The following RAPGEF2 variants were observed in gnomAD, a reference collection of about 807,000 sequenced individuals.
RAPGEF2 encodes the protein Rap guanine nucleotide exchange factor 2, also known as PDZ domain containing guanine nucleotide exchange factor (GEF) 1.
A neutral mutation model predicts 186.7 loss-of-function variants in RAPGEF2; 54 were observed. That is an observed-to-expected ratio of 0.29 (90% confidence interval 0.23 to 0.36). The LOEUF (loss-of-function observed/expected upper bound fraction) is 0.36. Ranked by LOEUF, RAPGEF2 falls within the 10% of genes least tolerant of loss-of-function variation. RAPGEF2 has a pLI of 1.00. For missense variants in RAPGEF2, 1,532 were observed against 2,045.0 expected, an observed-to-expected ratio of 0.75 and a Z score of 4.84; for synonymous variants, 712 against 705.9, an observed-to-expected ratio of 1.01 and a Z score of -0.14.
intron 1 of RAPGEF2, among the ~76,000 whole-genome samples, chr4:159,170,350 A>G (rs1302082806): frequency 6.6e-6 from 1 of 152,108 alleles, no homozygotes; most frequent in African/African-American, 2.4e-5. Context: ...CCCTCCATAC[A>G]CTCAGGTTGC....
chr4:159,146,923 A>C (rs1472623406), intron 1 of RAPGEF2, among the ~76,000 whole-genome samples: 1 of 152,238 alleles, frequency 6.6e-6, no homozygotes, highest in East Asian at 1.9e-4. Context: ...GTTTAAAAAA[A>C]GAGTCACCAT....
intron 1 of RAPGEF2, among the ~76,000 whole-genome samples, chr4:159,182,365 T>C (rs1747093781): frequency 6.6e-6 from 1 of 150,496 alleles, no homozygotes; most frequent in Admixed American, 6.6e-5. Flanking sequence ...ACTGAAAAGC[T>C]TCCTAGTATT....
intron 3 of RAPGEF2, among the ~76,000 whole-genome samples, chr4:159,202,926 C>G (rs1749602235): frequency 6.6e-6 from 1 of 152,162 alleles, no homozygotes; most frequent in African/African-American, 2.4e-5. Context: ...TTTTGGCTGA[C>G]TGGGCCTCAC....
intron 1 of RAPGEF2, among the ~76,000 whole-genome samples, chr4:159,119,844 T>A (rs1739464916): frequency 1.3e-5 from 2 of 152,368 alleles, no homozygotes; most frequent in South Asian, 4.1e-4. Flanking sequence ...TATGATATTT[T>A]CTAAATTGGT....
intron 26 of RAPGEF2, chr4:159,351,088 G>A: frequency 6.5e-7 from 1 of 1,534,040 alleles, no homozygotes; most frequent in Non-Finnish European, 8.7e-7. Flanking sequence ...GAGATCTTTT[G>A]GCTCCGGGCA....
Position 159,350,315 on chromosome 4 carries a change from CTTGTA to C in RAPGEF2, c.3865+30_3865+34del, listed in dbSNP as rs1730994493. The C allele has an allele frequency of 2.0e-6, 3 of 1,515,608 alleles. No individual in the cohort carries two copies. The African/African-American group carries it at 4.2e-5, about 21-fold the overall frequency. 93.9% of individuals were successfully genotyped at this position (1,515,608 alleles called of 1,614,324 possible). On this transcript the variant is annotated intron_variant, in intron 26 of 29. Coordinates refer to ENST00000691494, the MANE Select transcript of RAPGEF2 (RefSeq NM_001394067.2). ...GTAGAATTAAATTACTTTTTGTTTTCTTGTATTGAAACCTATACATTTTGGCTATA... is the reference window on the plus strand; with the variant it reads ...GTAGAATTAAATTACTTTTTGTTTTCTTGAAACCTATACATTTTGGCTATA...
At chr4:159,144,233 T>C (rs1175586384) in intron 1 of RAPGEF2, among the ~76,000 whole-genome samples, 12 of 152,224 alleles carry the variant, frequency 7.9e-5, no homozygotes, top group Non-Finnish European at 4.4e-5. Context: ...CCTTCACATA[T>C]CATTCTGCAA....
chr4:159,212,945 T>C (rs1579479803), intron 4 of RAPGEF2, among the ~76,000 whole-genome samples: 1 of 152,104 alleles, frequency 6.6e-6, no homozygotes, highest in Non-Finnish European at 1.5e-5. Context: ...GAAAAAAGAG[T>C]TCTTGCAGTT....
intron 1 of RAPGEF2, among the ~76,000 whole-genome samples, chr4:159,131,758 C>T (rs1560995292): frequency 6.6e-6 from 1 of 151,436 alleles, no homozygotes; most frequent in Non-Finnish European, 1.5e-5. Context: ...CCGGCATCTC[C>T]TTGTTTGTCA....
At chr4:159,354,692 G>A (rs1731701971) in intron 28 of RAPGEF2, among the ~76,000 whole-genome samples, 1 of 152,178 alleles carries the variant, frequency 6.6e-6, no homozygotes, top group African/African-American at 2.4e-5. Flanking sequence ...TGTAAAATGA[G>A]CTTCATAATT....
chr4:159,119,378 T>C (rs1017005316), intron 1 of RAPGEF2, among the ~76,000 whole-genome samples: 3 of 152,216 alleles, frequency 2.0e-5, no homozygotes, highest in Non-Finnish European at 2.9e-5. Flanking sequence ...TAGATACTTA[T>C]TGGCTAAGGC....
At chr4:159,321,512 C>T (rs1765230911) in intron 9 of RAPGEF2, among the ~76,000 whole-genome samples, 1 of 152,118 alleles carries the variant, frequency 6.6e-6, no homozygotes, top group Admixed American at 6.6e-5. Context: ...CTGGTCTTGC[C>T]ATCTCTTAAT....
chr4:159,285,936 C>T (rs1181515747), intron 7 of RAPGEF2, among the ~76,000 whole-genome samples: 3 of 152,094 alleles, frequency 2.0e-5, no homozygotes, highest in Non-Finnish European at 4.4e-5. Context: ...AATTAAGACT[C>T]TATATTTAAT....
At chr4:159,201,827 G>A (rs1379833351) in intron 3 of RAPGEF2, among the ~76,000 whole-genome samples, 3 of 152,176 alleles carry the variant, frequency 2.0e-5, no homozygotes, top group Non-Finnish European at 4.4e-5. Context: ...GCCCTCTGGA[G>A]TTCCTTGTGG....
intron 1 of RAPGEF2, among the ~76,000 whole-genome samples, chr4:159,143,292 C>T (rs769494271): frequency 4.6e-5 from 7 of 151,918 alleles, no homozygotes; most frequent in Non-Finnish European, 1.0e-4. Context: ...ACGAAAAAAA[C>T]TTTGTTTTTT....
At chr4:159,270,542 G>A (rs1372379458) in intron 7 of RAPGEF2, among the ~76,000 whole-genome samples, 2 of 152,032 alleles carry the variant, frequency 1.3e-5, no homozygotes, top group African/African-American at 4.8e-5. Flanking sequence ...TTAAATTTGG[G>A]GTGGGGGCAT....
chr4:159,178,388 T>G (rs757040540), intron 1 of RAPGEF2, among the ~76,000 whole-genome samples: 7 of 152,034 alleles, frequency 4.6e-5, no homozygotes, highest in African/African-American at 1.7e-4. Flanking sequence ...GTTAGTGAGA[T>G]CTTGATGCTG....
chr4:159,125,378 C>A (rs1255912495), intron 1 of RAPGEF2, among the ~76,000 whole-genome samples: 1 of 152,126 alleles, frequency 6.6e-6, no homozygotes, highest in Admixed American at 6.5e-5. Flanking sequence ...CAGAAACTTA[C>A]CAGAGTTTGT....
chr4:159,266,491 T>C (rs895648992), intron 7 of RAPGEF2, among the ~76,000 whole-genome samples: 1 of 152,196 alleles, frequency 6.6e-6, no homozygotes, highest in Non-Finnish European at 1.5e-5. Flanking sequence ...AATACCTACA[T>C]ATGTACATGA....
Sources: allele counts gnomAD v4.1 joint callset (sites outside exome capture counted in the v4.1 genomes callset), GRCh38; gene constraint gnomAD v4.1.1; transcripts MANE v1.5; gene names NCBI Gene and HGNC (gene_info 2026-07-23, HGNC 2026-07-21).